The following SCRG1 variants were observed in gnomAD, a reference collection of about 807,000 sequenced individuals.
The protein encoded by SCRG1 is stimulator of chondrogenesis 1.
In SCRG1, 3 loss-of-function variants were observed where a neutral mutation model predicts 7.7. The ratio of observed to expected loss-of-function variants is 0.39; its 90% confidence interval spans 0.18 to 1.01. The LOEUF (loss-of-function observed/expected upper bound fraction) is 1.01, where lower values mean the gene tolerates loss of function less well. Among genes scored for constraint, SCRG1 ranks in the 50% least tolerant of loss-of-function variants. The pLI is 0.36. For missense variants in SCRG1, 110 were observed against 117.2 expected (o/e 0.94, Z 0.28); for synonymous variants, 46 against 41.2 (o/e 1.12, Z -0.44).
chr4:173,474,789 T>G, the SCRG1 span, among the ~76,000 whole-genome samples: 4 of 152,270 alleles, frequency 2.6e-5, no homozygotes, highest in Non-Finnish European at 4.4e-5. Context: ...TTGAAGGATA[T>G]GTTGTAAGCC....
At chr4:173,484,379 ATG>A in the SCRG1 span, among the ~76,000 whole-genome samples, 15 of 49,274 alleles carry the variant, frequency 3.0e-4, no homozygotes, top group African/African-American at 3.6e-4. Flanking sequence ...ATTATATATT[ATG>A]TATATTTTAT....
At chr4:173,440,178 A>T in the SCRG1 span, among the ~76,000 whole-genome samples, 1 of 152,202 alleles carries the variant, frequency 6.6e-6, no homozygotes, top group African/African-American at 2.4e-5. Context: ...AGTGGTTAGC[A>T]GTATGTTTAC....
At chr4:173,504,279 A>G in the SCRG1 span, among the ~76,000 whole-genome samples, 1,890 of 152,322 alleles carry the variant, frequency 0.012, 35 homozygotes, top group African/African-American at 0.042. This position sits in a 1 kb window ranked among gnomAD's most constrained non-coding sequence, Gnocchi z 4.7. Flanking sequence ...CAAGGAGCCC[A>G]GAGGCTTCCC....
the SCRG1 span, among the ~76,000 whole-genome samples, chr4:173,420,540 C>T: frequency 6.6e-6 from 1 of 152,156 alleles, no homozygotes; most frequent in South Asian, 2.1e-4. Flanking sequence ...ACTATTGTGT[C>T]TGTTTATACA....
upstream of SCRG1, among the ~76,000 whole-genome samples, chr4:173,411,116 T>C (rs1375787852): frequency 1.3e-5 from 2 of 152,226 alleles, no homozygotes; most frequent in African/African-American, 4.8e-5. Context: ...CAATTGCTCG[T>C]TGGCTACATG....
At chr4:173,454,092 A>G in the SCRG1 span, among the ~76,000 whole-genome samples, 1 of 151,550 alleles carries the variant, frequency 6.6e-6, no homozygotes, top group African/African-American at 2.4e-5. Context: ...AAAAAAAAAA[A>G]AGAACTGACC....
exon 2 of SCRG1, chr4:173,404,329 GTCTC>G: frequency 6.6e-6 from 1 of 152,308 alleles, no homozygotes; most frequent in Non-Finnish European, 1.5e-5. Flanking sequence ...CCACAGAGTC[GTCTC>G]TCTTTTACTG....
the SCRG1 span, among the ~76,000 whole-genome samples, chr4:173,483,122 T>A: frequency 1.3e-5 from 1 of 74,084 alleles, no homozygotes; most frequent in Non-Finnish European, 2.4e-5. Flanking sequence ...ATTTTATATA[T>A]AATGTATATT....
At position 173,385,474 on chromosome 4, in the gene SCRG1, A is replaced by G. The variant is rs1365496489; in HGVS notation, c.*2867T>C. The stretch of plus-strand genomic sequence containing the variant: ...GACAGAGTGAGACTCAGTTTCAAAA[A>G]AAAAAAAAAATCTATTGTTTTTAAA... On this transcript the variant is annotated 3_prime_UTR_variant, in exon 3 of 3. Transcript: ENST00000296506. 2 of 152,126 alleles carry G rather than the reference A, an allele frequency of 1.3e-5. No homozygotes were observed. Among genetic ancestry groups the G allele is most frequent in the Admixed American group, 1.3e-4 (2 of 15,274 alleles). 9.4% of individuals were successfully genotyped at this position (152,126 alleles called of 1,614,324 possible). A position where few individuals can be genotyped will look rare whatever the true frequency, so the allele number is the denominator to read the frequency against.
At chr4:173,495,362 A>T in the SCRG1 span, among the ~76,000 whole-genome samples, 1 of 152,234 alleles carries the variant, frequency 6.6e-6, no homozygotes, top group Admixed American at 6.5e-5. Context: ...CCAGTTGTCA[A>T]AAAGTAATTA....
the SCRG1 span, among the ~76,000 whole-genome samples, chr4:173,473,158 G>A: frequency 3.3e-5 from 5 of 152,198 alleles, no homozygotes; most frequent in East Asian, 9.6e-4. Context: ...ACAAACTTTA[G>A]TTGAGTATCT....
At chr4:173,484,076 A>G in the SCRG1 span, among the ~76,000 whole-genome samples, 2 of 71,152 alleles carry the variant, frequency 2.8e-5, no homozygotes, top group Non-Finnish European at 4.8e-5. Context: ...AATATACATG[A>G]TATAATATAT....
At chr4:173,460,324 ACCAGCTGGGG>A in the SCRG1 span, among the ~76,000 whole-genome samples, 3 of 152,188 alleles carry the variant, frequency 2.0e-5, no homozygotes, top group Non-Finnish European at 4.4e-5. Flanking sequence ...ATACTGAGAC[ACCAGCTGGGG>A]CAGCCAAAGA....
the SCRG1 span, among the ~76,000 whole-genome samples, chr4:173,425,834 A>G: frequency 6.6e-6 from 1 of 152,254 alleles, no homozygotes; most frequent in Non-Finnish European, 1.5e-5. Context: ...AGGGTGTTCC[A>G]CTGATTGCTA....
the SCRG1 span, among the ~76,000 whole-genome samples, chr4:173,441,284 A>G: frequency 6.6e-6 from 1 of 152,214 alleles, no homozygotes; most frequent in Non-Finnish European, 1.5e-5. Context: ...TATTTTAGTT[A>G]ACAGTAGGTT....
chr4:173,454,542 T>A, the SCRG1 span, among the ~76,000 whole-genome samples: 2 of 152,224 alleles, frequency 1.3e-5, no homozygotes, highest in African/African-American at 2.4e-5. Context: ...GGTAGATAAT[T>A]TTGTATGTTT....
At chr4:173,485,163 T>TTA in the SCRG1 span, among the ~76,000 whole-genome samples, 2 of 100,350 alleles carry the variant, frequency 2.0e-5, 1 homozygote, top group Non-Finnish European at 3.7e-5. Flanking sequence ...ATATAATATA[T>TTA]TATATATATT....
chr4:173,484,162 ATT>A, the SCRG1 span, among the ~76,000 whole-genome samples: 15 of 84,744 alleles, frequency 1.8e-4, no homozygotes, highest in Admixed American at 2.0e-3. Flanking sequence ...TATTTTCTAC[ATT>A]ATATATAATA....
At chr4:173,496,780 G>C in the SCRG1 span, among the ~76,000 whole-genome samples, 217 of 152,294 alleles carry the variant, frequency 1.4e-3, 1 homozygote, top group Middle Eastern at 6.8e-3. Flanking sequence ...TTTAATATAA[G>C]AGGTCCAAAA....
Sources: gnomAD v4.1 joint callset for allele counts (sites outside exome capture counted in the v4.1 genomes callset) on GRCh38, gnomAD v4.1.1 for gene constraint, Gnocchi (gnomAD v3.1) non-coding constraint, MANE v1.5 for transcripts, NCBI Gene and HGNC (gene_info 2026-07-23, HGNC 2026-07-21) for gene names.